Variants in DSCAM observed in about 807,000 individuals in gnomAD.
The protein encoded by DSCAM is DS cell adhesion molecule.
In DSCAM, 47 loss-of-function variants were observed where a neutral mutation model predicts 217.7. The ratio of observed to expected loss-of-function variants is 0.22; its 90% CI spans 0.17 to 0.28. DSCAM has a LOEUF of 0.28. Ranked by LOEUF, DSCAM falls within the 10% of genes least tolerant of loss-of-function variation. DSCAM has a pLI of 1.00. For synonymous variants in DSCAM, 1,056 were observed against 1,015.3 expected, an observed-to-expected ratio of 1.04 and a Z score of -0.76; for missense variants, 2,080 against 2,618.3, an observed-to-expected ratio of 0.79 and a Z score of 4.49.
chr21:40,644,608 G>T (rs1245997192), intron 3 of DSCAM, among the ~76,000 whole-genome samples: 1 of 152,152 alleles, frequency 6.6e-6, no homozygotes, highest in Admixed American at 6.5e-5. Context: ...GGCCTCGAAA[G>T]GGCACCTAGG....
At chr21:40,675,947 T>C (rs1411325729) in intron 3 of DSCAM, among the ~76,000 whole-genome samples, 1 of 152,196 alleles carries the variant, frequency 6.6e-6, no homozygotes, top group African/African-American at 2.4e-5. Context: ...TAGCCACTAT[T>C]AGTAAAAAGC....
chr21:40,334,676 GC>G (rs1331779605), intron 8 of DSCAM, among the ~76,000 whole-genome samples: 1 of 151,620 alleles, frequency 6.6e-6, no homozygotes, highest in Admixed American at 6.6e-5. Flanking sequence ...TGTTGCCCAG[GC>G]TGGAGTGCAG....
chr21:40,654,510 C>T (rs1442676228), intron 3 of DSCAM, among the ~76,000 whole-genome samples: 1 of 152,308 alleles, frequency 6.6e-6, no homozygotes, highest in Non-Finnish European at 1.5e-5. Context: ...AATTTGTTAC[C>T]TCATGCTTTA....
chr21:40,466,079 C>T (rs1049752819), intron 3 of DSCAM, among the ~76,000 whole-genome samples: 8 of 152,162 alleles, frequency 5.3e-5, no homozygotes, highest in Non-Finnish European at 1.0e-4. Context: ...CAGAAAGAAA[C>T]GCCAGCATCC....
intron 3 of DSCAM, among the ~76,000 whole-genome samples, chr21:40,687,431 A>G (rs531700427): frequency 1.8e-4 from 27 of 152,270 alleles, no homozygotes; most frequent in South Asian, 8.3e-4. Context: ...CTCAGTGAGG[A>G]GCAATAAAAT....
intron 2 of DSCAM, among the ~76,000 whole-genome samples, chr21:40,698,097 A>G (rs1374782652): frequency 1.3e-5 from 2 of 152,242 alleles, no homozygotes; most frequent in African/African-American, 4.8e-5. Context: ...TTATAGTTAT[A>G]AGAAGTTATT....
intron 9 of DSCAM, among the ~76,000 whole-genome samples, chr21:40,308,740 T>TTA (rs1305426536): frequency 2.6e-5 from 4 of 152,180 alleles, no homozygotes; most frequent in African/African-American, 9.7e-5. Context: ...AAAGCAGTTC[T>TTA]TATATATATT....
intron 30 of DSCAM, among the ~76,000 whole-genome samples, chr21:40,050,943 T>C (rs1162478201): frequency 1.3e-5 from 2 of 152,252 alleles, no homozygotes; most frequent in Non-Finnish European, 2.9e-5. Context: ...TAGAATATTC[T>C]TGAAAACATT....
chr21:40,102,921 C>T lies in DSCAM; in HGVS notation c.3697-9047G>A, dbSNP rs374864342. On this transcript the variant is annotated intron_variant, in intron 20 of 32. Transcript: ENST00000400454. ...CTGCATCTCCCCAGGGGTCAGGCTC[C>T]CCGACCCATCCCTCTACTCCTTTTA... Among the ~76,000 whole-genome samples, 43 of 152,244 alleles carry T rather than the reference C, an allele frequency of 2.8e-4. No individual in the cohort carries two copies. In the South Asian group the frequency reaches 6.8e-3, roughly 24 times the overall value.
chr21:40,107,412 A>C (rs945480762), intron 20 of DSCAM, among the ~76,000 whole-genome samples: 1 of 152,170 alleles, frequency 6.6e-6, no homozygotes, highest in African/African-American at 2.4e-5. Flanking sequence ...TTTTACAGTA[A>C]GTGTCATGTA....
intron 1 of DSCAM, among the ~76,000 whole-genome samples, chr21:40,790,378 C>T (rs1341401749): frequency 6.6e-6 from 1 of 152,016 alleles, no homozygotes; most frequent in African/African-American, 2.4e-5. Flanking sequence ...GACGGGGTTT[C>T]GCCGTGTTGG....
intron 13 of DSCAM, 128 bp from the exon 14 acceptor site, chr21:40,187,387 G>T: frequency 2.4e-6 from 3 of 1,248,660 alleles, no homozygotes; most frequent in Non-Finnish European, 2.2e-6. Context: ...CTTTTTATTT[G>T]GAAGCATTTT....
At chr21:40,510,358 T>G (rs188913215) in intron 3 of DSCAM, among the ~76,000 whole-genome samples, 123 of 152,334 alleles carry the variant, frequency 8.1e-4, no homozygotes, top group African/African-American at 2.7e-3. Flanking sequence ...GGTTGTTACA[T>G]TGTAATAAGT....
chr21:40,500,384 C>T (rs970349798), intron 3 of DSCAM, among the ~76,000 whole-genome samples: 1 of 152,100 alleles, frequency 6.6e-6, no homozygotes, highest in Admixed American at 6.5e-5. Context: ...CTGATTAAGA[C>T]TCCTGCTTCT....
Position 40,189,030 on chromosome 21 carries a change from C to A in DSCAM, c.2553+12G>T. 6.2e-7 allele frequency: 1 copy of A among 1,613,520 alleles called. No homozygotes were observed. The highest frequency in any genetic ancestry group is 1.3e-5 in the African/African-American group (1 of 74,988). ...AGTTCATTCCATTGTGTTGTATTTG[C>A]CATGCTTTTACCTGCAGAGTAGAAA... On this transcript the variant is annotated intron_variant, in intron 12 of 32. Coordinates refer to ENST00000400454, the MANE Select transcript of DSCAM (RefSeq NM_001389.5).
chr21:40,310,747 A>T (rs966791193), intron 9 of DSCAM, among the ~76,000 whole-genome samples: 12 of 152,144 alleles, frequency 7.9e-5, no homozygotes, highest in Admixed American at 6.5e-5. Context: ...CCAAGAGTTA[A>T]CTCTGCTTAT....
chr21:40,632,481 T>TC (rs1437092993), intron 3 of DSCAM, among the ~76,000 whole-genome samples: 1 of 152,158 alleles, frequency 6.6e-6, no homozygotes, highest in Non-Finnish European at 1.5e-5. Flanking sequence ...AGAGCTGTTT[T>TC]ACACACACAC....
At chr21:40,802,953 AC>A (rs779199673) in intron 1 of DSCAM, among the ~76,000 whole-genome samples, 6 of 152,242 alleles carry the variant, frequency 3.9e-5, no homozygotes, top group Non-Finnish European at 7.3e-5. Flanking sequence ...ACCACACCTC[AC>A]AACTAGACAG....
At chr21:40,465,303 C>T (rs1360371904) in intron 3 of DSCAM, among the ~76,000 whole-genome samples, 1 of 152,150 alleles carries the variant, frequency 6.6e-6, no homozygotes, top group Non-Finnish European at 1.5e-5. Flanking sequence ...TCTCTCTCCC[C>T]ACAATGCTGT....
Sources: gnomAD v4.1 joint callset for allele counts (sites outside exome capture counted in the v4.1 genomes callset) on GRCh38, gnomAD v4.1.1 for gene constraint, MANE v1.5 for transcripts, NCBI Gene and HGNC (gene_info 2026-07-23, HGNC 2026-07-21) for gene names.